Variants in PPP3CA observed in about 807,000 individuals in gnomAD.
PPP3CA encodes the protein protein phosphatase 3 catalytic subunit alpha.
PPP3CA carries 14 observed loss-of-function variants against 66.5 expected under a neutral mutation model. That is an observed-to-expected ratio of 0.21 (90% CI 0.14 to 0.33). The LOEUF (loss-of-function observed/expected upper bound fraction) is 0.33, where lower values mean the gene tolerates loss of function less well. Ranked by LOEUF, PPP3CA falls within the 10% of genes least tolerant of loss-of-function variation. The probability of loss-of-function intolerance (pLI) is 1.00; values close to 1 mark genes in which losing one functional copy is unlikely to be tolerated. For synonymous variants in PPP3CA, 232 were observed against 226.2 expected (o/e 1.03, Z -0.23); for missense variants, 317 against 639.5 (o/e 0.50, Z 5.44).
chr4:101,261,555 G>A (rs562858727), intron 1 of PPP3CA, among the ~76,000 whole-genome samples: 4 of 151,826 alleles, frequency 2.6e-5, no homozygotes, highest in Admixed American at 1.3e-4. Flanking sequence ...AAACACCACA[G>A]TTAACTCTTT....
At position 101,174,102 on chromosome 4, in the gene PPP3CA, G is replaced by T. The variant is rs551197308; in HGVS notation, c.259+21814C>A. ...ACAAAAACTACGCCCCCCCCACCCC[G>T]CCAGAAAAACAAACTAACAAAAAAA... On this transcript the variant is annotated intron_variant, in intron 2 of 13. Coordinates refer to ENST00000394854, the MANE Select transcript of PPP3CA (RefSeq NM_000944.5). 2.7e-5 allele frequency among the ~76,000 whole-genome samples: 4 copies of T among 148,372 alleles called. No individual in the cohort carries two copies. In the South Asian group the frequency reaches 8.5e-4, roughly 32 times the overall value.
In PPP3CA at chr4:101,093,768, A is replaced by C; in HGVS notation, c.782+8T>G. The C allele has an allele frequency of 6.2e-7, 1 of 1,602,542 alleles. No homozygotes were observed. Among genetic ancestry groups the C allele is most frequent in the Non-Finnish European group, 8.5e-7 (1 of 1,174,276 alleles). ...ACGTGTTCCAGAGAGCAAGTTCTCT[A>C]TTCTTACCTGTAGAAGTATGAACAC... is the stretch of plus-strand genomic sequence containing the variant. On this transcript the variant is annotated splice_region_variant and intron_variant, in intron 6 of 13. Coordinates refer to ENST00000394854, the MANE Select transcript of PPP3CA (RefSeq NM_000944.5).
At chr4:101,086,846 T>A (rs559457285) in intron 6 of PPP3CA, among the ~76,000 whole-genome samples, 2 of 152,356 alleles carry the variant, frequency 1.3e-5, no homozygotes, top group South Asian at 4.1e-4. Context: ...TCTTAAATGC[T>A]TAGCAGCAAT....
intron 1 of PPP3CA, among the ~76,000 whole-genome samples, chr4:101,289,435 T>C (rs996457533): frequency 1.3e-5 from 2 of 152,236 alleles, no homozygotes; most frequent in African/African-American, 2.4e-5. Flanking sequence ...GGGCTTAGCA[T>C]ACAATCACCC....
chr4:101,190,512 G>A (rs947318924), intron 2 of PPP3CA, among the ~76,000 whole-genome samples: 1 of 152,124 alleles, frequency 6.6e-6, no homozygotes, highest in Non-Finnish European at 1.5e-5. Flanking sequence ...GTTTATTGAT[G>A]TTAATAGAGT....
At chr4:101,269,440 G>A (rs1016883820) in intron 1 of PPP3CA, among the ~76,000 whole-genome samples, 6 of 151,926 alleles carry the variant, frequency 3.9e-5, no homozygotes, top group Admixed American at 6.6e-5. Context: ...CTAGAATACA[G>A]ATAAATAATA....
intron 3 of PPP3CA, among the ~76,000 whole-genome samples, chr4:101,103,871 G>T (rs1348487003): frequency 1.3e-5 from 2 of 152,340 alleles, no homozygotes; most frequent in East Asian, 3.9e-4. Context: ...TGATCAAAGA[G>T]ATTAGGTACT....
chr4:101,341,661 T>C (rs56092322), intron 1 of PPP3CA, among the ~76,000 whole-genome samples: 15,713 of 152,210 alleles, frequency 0.1, 2,761 homozygotes, highest in African/African-American at 0.36. Context: ...ATACAATTAC[T>C]CCCCTTTTAT....
intron 10 of PPP3CA, among the ~76,000 whole-genome samples, chr4:101,048,270 G>A (rs565593233): frequency 1.3e-5 from 2 of 152,238 alleles, no homozygotes; most frequent in South Asian, 2.1e-4. Context: ...TATGGTGGCT[G>A]AGGATGTGAA....
At chr4:101,305,541 T>C (rs562339973) in intron 1 of PPP3CA, among the ~76,000 whole-genome samples, 1 of 152,328 alleles carries the variant, frequency 6.6e-6, no homozygotes, top group South Asian at 2.1e-4. Context: ...GTTTCCATGA[T>C]TTCATTTAAG....
intron 1 of PPP3CA, among the ~76,000 whole-genome samples, chr4:101,231,348 A>G (rs1725957399): frequency 1.3e-5 from 2 of 151,880 alleles, no homozygotes; most frequent in Admixed American, 6.6e-5. Context: ...TTTATCTGTA[A>G]GTCAGACTAT....
At chr4:101,072,783 A>G (rs555565603) in intron 8 of PPP3CA, among the ~76,000 whole-genome samples, 1 of 151,862 alleles carries the variant, frequency 6.6e-6, no homozygotes, top group South Asian at 2.1e-4. Context: ...AAAAATACAA[A>G]AAATTAGCCA....
intron 2 of PPP3CA, among the ~76,000 whole-genome samples, chr4:101,121,893 T>C (rs987045699): frequency 6.6e-6 from 1 of 152,178 alleles, no homozygotes; most frequent in East Asian, 1.9e-4. Flanking sequence ...CTTTTATCAA[T>C]AAGGAGACAC....
intron 2 of PPP3CA, among the ~76,000 whole-genome samples, chr4:101,153,880 T>G (rs1182507042): frequency 2.6e-5 from 4 of 152,128 alleles, no homozygotes; most frequent in African/African-American, 9.7e-5. Flanking sequence ...AGTTCATTTT[T>G]AATACAATAC....
intron 6 of PPP3CA, 57 bp from the exon 7 acceptor site, chr4:101,083,320 C>T (rs1729522164): frequency 4.3e-6 from 6 of 1,399,884 alleles, no homozygotes; most frequent in Non-Finnish European, 5.0e-6. Flanking sequence ...AGGAGTAGCA[C>T]ATTTATCTCT....
chr4:101,210,094 A>G (rs1383227971), intron 1 of PPP3CA, among the ~76,000 whole-genome samples: 1 of 152,138 alleles, frequency 6.6e-6, no homozygotes, highest in Non-Finnish European at 1.5e-5. Context: ...AGAGTCTGTG[A>G]CCCAAAGAGG....
intron 1 of PPP3CA, among the ~76,000 whole-genome samples, chr4:101,278,168 C>T (rs1261830703): frequency 5.0e-5 from 7 of 139,736 alleles, no homozygotes; most frequent in Non-Finnish European, 7.5e-5. Flanking sequence ...ATTTTAACTA[C>T]GACTTTTAAA....
intron 2 of PPP3CA, among the ~76,000 whole-genome samples, chr4:101,121,072 T>C (rs1722012078): frequency 1.3e-5 from 2 of 152,126 alleles, no homozygotes; most frequent in African/African-American, 4.8e-5. Context: ...TGCTGGTTCA[T>C]AATAAATTGT....
At chr4:101,212,575 A>G (rs1725330280) in intron 1 of PPP3CA, among the ~76,000 whole-genome samples, 1 of 152,146 alleles carries the variant, frequency 6.6e-6, no homozygotes, top group Admixed American at 6.6e-5. Context: ...ACGTTTACCT[A>G]CGTAACAAAC....
Sources: gnomAD v4.1 joint callset for allele counts (sites outside exome capture counted in the v4.1 genomes callset) on GRCh38, gnomAD v4.1.1 for gene constraint, MANE v1.5 for transcripts, NCBI Gene and HGNC (gene_info 2026-07-23, HGNC 2026-07-21) for gene names.